The following SORBS2 variants were observed in gnomAD, a reference collection of about 807,000 sequenced individuals.
The protein encoded by SORBS2 is sorbin and SH3 domain containing 2, also known as sorbin and SH3 domain-containing protein 2.
Under a neutral mutation model 97.7 loss-of-function variants are expected in SORBS2, and 46 were observed. The ratio of observed to expected loss-of-function variants is 0.47; its 90% CI spans 0.37 to 0.60. The LOEUF (loss-of-function observed/expected upper bound fraction) is 0.60. Among genes scored for constraint, SORBS2 ranks in the 20% least tolerant of loss-of-function variants. The pLI is 0.00. For missense variants in SORBS2, 1,316 were observed against 1,282.3 expected (o/e 1.03, Z -0.40); for synonymous variants, 476 against 473.4 (o/e 1.01, Z -0.07).
chr4:185,617,248 A>C (rs1200581680), intron 9 of SORBS2, among the ~76,000 whole-genome samples: 3 of 152,240 alleles, frequency 2.0e-5, no homozygotes, highest in Non-Finnish European at 4.4e-5. Flanking sequence ...GTCACACCAT[A>C]TCCACAGAAC....
chr4:185,649,806 G>C, intron 2 of SORBS2, 150 bp from the exon 12 acceptor site: 1 of 430,858 alleles, frequency 2.3e-6, no homozygotes, highest in Non-Finnish European at 4.1e-6. Flanking sequence ...TTAGAAGGTA[G>C]TTTCTTAATT....
intron 1 of SORBS2, among the ~76,000 whole-genome samples, chr4:185,948,534 T>C (rs1179795192): frequency 1.3e-5 from 2 of 148,710 alleles, no homozygotes; most frequent in Non-Finnish European, 3.0e-5. Context: ...TTTTTTTTTT[T>C]TGAGATAGAG....
chr4:185,699,795 T>C (rs949457118), intron 2 of SORBS2, among the ~76,000 whole-genome samples: 2 of 152,244 alleles, frequency 1.3e-5, no homozygotes, highest in African/African-American at 4.8e-5. Flanking sequence ...TAAAGACAGA[T>C]ATCTTCCATT....
chr4:185,891,844 TG>T (rs1365086580), intron 1 of SORBS2, among the ~76,000 whole-genome samples: 1 of 152,132 alleles, frequency 6.6e-6, no homozygotes, highest in Non-Finnish European at 1.5e-5. Flanking sequence ...ATAACTTTTT[TG>T]TTTTTTTGAG....
intron 2 of SORBS2, among the ~76,000 whole-genome samples, chr4:185,752,850 T>C (rs970002633): frequency 2.6e-5 from 4 of 152,332 alleles, no homozygotes; most frequent in Admixed American, 2.6e-4. Context: ...ATATATATCC[T>C]GAAGAATCTG....
chr4:185,627,906 A>C (rs1334043184), intron 5 of SORBS2, among the ~76,000 whole-genome samples: 1 of 151,948 alleles, frequency 6.6e-6, no homozygotes, highest in Non-Finnish European at 1.5e-5. Context: ...TCGCCTTTTC[A>C]CCATGCCCAG....
intron 2 of SORBS2, among the ~76,000 whole-genome samples, chr4:185,736,124 C>T (rs915865088): frequency 1.3e-5 from 2 of 152,212 alleles, no homozygotes; most frequent in Admixed American, 6.5e-5. Context: ...ACTGCCGCAG[C>T]GCGAGGGACC....
Position 185,951,194 on chromosome 4 carries a change from C to T in SORBS2, c.-338+5002G>A, listed in dbSNP as rs116823961. Reference sequence around the variant, plus strand: ...TAACAGGTATGTACCATCACGCTACCACTTCAGGCACATCAGGGAAAACAT... The same window carrying T: ...TAACAGGTATGTACCATCACGCTACTACTTCAGGCACATCAGGGAAAACAT... On this transcript the variant is annotated intron_variant, in intron 1 of 20. Transcript: ENST00000284776. 8.5e-3 allele frequency among the ~76,000 whole-genome samples: 1,296 copies of T among 152,282 alleles called. 25 individuals are homozygous for T. The highest frequency in any genetic ancestry group is 0.03 in the African/African-American group (1,227 of 41,544).
chr4:185,610,332 C>A (rs1269023710), intron 12 of SORBS2, among the ~76,000 whole-genome samples: 2 of 152,050 alleles, frequency 1.3e-5, no homozygotes, highest in African/African-American at 4.8e-5. Context: ...CTTATCTTTT[C>A]TCTTTATCAA....
At chr4:185,804,769 G>A (rs371769065) in intron 1 of SORBS2, among the ~76,000 whole-genome samples, 36 of 151,950 alleles carry the variant, frequency 2.4e-4, no homozygotes, top group Non-Finnish European at 4.7e-4. Context: ...AATCTTTTGC[G>A]TAGTTGACTG....
At chr4:185,706,059 G>GA (rs11463952) in intron 2 of SORBS2, among the ~76,000 whole-genome samples, 111,794 of 152,080 alleles carry the variant, frequency 0.74, 42,791 homozygotes, top group Non-Finnish European at 0.86. Context: ...GATTTTGTTT[G>GA]AGTCTGAAGT....
chr4:185,667,601 AAC>A (rs1313235346), intron 4 of SORBS2, among the ~76,000 whole-genome samples: 1 of 151,536 alleles, frequency 6.6e-6, no homozygotes, highest in East Asian at 1.9e-4. Flanking sequence ...AAGAAACCCC[AAC>A]CTTGGATAAA....
chr4:185,615,135 A>G (rs1375063093), exon 10 of SORBS2: 2 of 1,611,468 alleles, frequency 1.2e-6, no homozygotes, highest in African/African-American at 1.3e-5. Flanking sequence ...TGTAGACAGT[A>G]TCTCCTTTCT....
chr4:185,798,999 C>T lies in SORBS2; in HGVS notation c.-337-23633G>A, dbSNP rs998546684. Among the ~76,000 whole-genome samples, 6 of 152,096 alleles carry T rather than the reference C, an allele frequency of 3.9e-5. No homozygotes were observed. The East Asian group carries it at 1.2e-3, about 29-fold the overall frequency. On this transcript the variant is annotated intron_variant, in intron 1 of 20. Coordinates refer to the SORBS2 transcript ENST00000284776. ...TATTTGTATAAATTCCCATTATTCC[C>T]TCACTGCTCCAAAAATAGAGAAGAA...
chr4:185,820,367 C>T (rs1047713667), intron 1 of SORBS2, among the ~76,000 whole-genome samples: 16 of 152,220 alleles, frequency 1.1e-4, no homozygotes, highest in Admixed American at 7.8e-4. Context: ...GATGTCCTCC[C>T]CTCCCCTTTA....
chr4:185,915,252 T>G (rs74417078), intron 1 of SORBS2, among the ~76,000 whole-genome samples: 5,309 of 152,338 alleles, frequency 0.035, 290 homozygotes, highest in African/African-American at 0.12. Flanking sequence ...CATTTGTTTT[T>G]GAAGCAACTT....
intron 2 of SORBS2, among the ~76,000 whole-genome samples, chr4:185,729,875 C>T (rs897701240): frequency 6.6e-6 from 1 of 152,136 alleles, no homozygotes; most frequent in South Asian, 2.1e-4. Flanking sequence ...ATCAATGTTT[C>T]GTATTCTGTC....
chr4:185,939,402 CA>C (rs1330146504), intron 1 of SORBS2, among the ~76,000 whole-genome samples: 1 of 152,160 alleles, frequency 6.6e-6, no homozygotes, highest in East Asian at 1.9e-4. Flanking sequence ...CCACCTTAAC[CA>C]AAAAACAGTG....
chr4:185,924,696 C>T (rs1358215554), intron 1 of SORBS2, among the ~76,000 whole-genome samples: 14 of 152,188 alleles, frequency 9.2e-5, no homozygotes, highest in Admixed American at 9.2e-4. Flanking sequence ...CAAACCAATC[C>T]CCTGTGCCCT....
Sources: gnomAD v4.1 joint callset for allele counts (sites outside exome capture counted in the v4.1 genomes callset) on GRCh38, gnomAD v4.1.1 for gene constraint, MANE v1.5 for transcripts, NCBI Gene and HGNC (gene_info 2026-07-23, HGNC 2026-07-21) for gene names.